The following GPR65 variants were observed in gnomAD, a reference collection of about 807,000 sequenced individuals.
The protein encoded by GPR65 is G protein-coupled receptor 65, also known as T-cell death-associated gene 8 protein.
In GPR65, 2 loss-of-function variants were observed where a neutral mutation model predicts 0.7. The observed-to-expected ratio is 2.83, with a 90% CI of 1.16 to 8.92. The LOEUF (loss-of-function observed/expected upper bound fraction) is 8.92, where lower values mean the gene tolerates loss of function less well. Ranked by LOEUF, GPR65 falls within the 30% of genes most tolerant of loss-of-function variation. GPR65 has a pLI of 0.04. For missense variants in GPR65, 379 were observed against 399.4 expected, an observed-to-expected ratio of 0.95 and a Z score of 0.43; for synonymous variants, 128 against 146.5, an observed-to-expected ratio of 0.87 and a Z score of 0.91.
In GPR65 at chr14:88,013,575, C is replaced by G. The variant is rs913517248; in HGVS notation, c.*1714C>G. On this transcript the variant is annotated 3_prime_UTR_variant, in exon 2 of 2. Transcript: ENST00000267549. ...CATGAGGTGCCCTCACATTAAAAAA[C>G]AAAATATTGAGCCGGGCGCGGTGGC... is the stretch of plus-strand genomic sequence containing the variant. The G allele has an allele frequency of 6.6e-6, 1 of 152,002 alleles. No individual in the cohort carries two copies. Among genetic ancestry groups the G allele is most frequent in the Admixed American group, 6.6e-5 (1 of 15,260 alleles). 9.4% of individuals were successfully genotyped at this position (152,002 alleles called of 1,614,324 possible). A position where few individuals can be genotyped will look rare whatever the true frequency, so the allele number is the denominator to read the frequency against.
chr14:88,011,807 A>T lies in GPR65; in HGVS notation c.960A>T (p.Lys320Asn), dbSNP rs745864186. 1.2e-6 allele frequency: 2 copies of T among 1,600,084 alleles called. No homozygotes were observed. The highest frequency in any genetic ancestry group is 2.2e-5 in the East Asian group (1 of 44,658). The change falls in exon 2 of 2, where the codon AAA becomes AAT. Residue 320 changes from lysine to asparagine, a missense_variant. By Grantham distance (94) the Lys-to-Asn change is moderately conservative (BLOSUM62 0). Coordinates refer to ENST00000267549, the MANE Select transcript of GPR65 (RefSeq NM_003608.4). ...GRCNTSQRQR[K>N]RILSVSTKDT... ...GTAATACATCACAAAGACAAAGAAAACGCATACTTTCTGTGTCTACAAAAG... is the reference window on the plus strand; with the variant it reads ...GTAATACATCACAAAGACAAAGAAATCGCATACTTTCTGTGTCTACAAAAG...
At chr14:88,007,049 T>C (rs1467720853) in intron 1 of GPR65, among the ~76,000 whole-genome samples, 1 of 152,162 alleles carries the variant, frequency 6.6e-6, no homozygotes, top group East Asian at 1.9e-4. Flanking sequence ...TGCTGTCTGT[T>C]ATCGCTGTTG....
chr14:88,009,518 T>A (rs935557884), intron 1 of GPR65, among the ~76,000 whole-genome samples: 6 of 152,108 alleles, frequency 3.9e-5, no homozygotes, highest in African/African-American at 1.4e-4. Flanking sequence ...AGGGAGTGAT[T>A]CTGGTGCCCT....
At position 88,014,012 on chromosome 14, in the gene GPR65, G is replaced by C. The variant is rs1887729196; in HGVS notation, c.*2151G>C. The C allele has an allele frequency of 6.6e-6, 1 of 152,130 alleles. No individual in the cohort carries two copies. The allele number at this position is 152,130 out of a possible 1,614,324, so 9.4% of individuals were successfully genotyped here. Reference sequence around the variant, plus strand: ...CACTCCAGAAGAGCGGAGGAACCCAGGATAATATTTTGTCAACCAAGAAAC... The same window carrying C: ...CACTCCAGAAGAGCGGAGGAACCCACGATAATATTTTGTCAACCAAGAAAC... On this transcript the variant is annotated 3_prime_UTR_variant, in exon 2 of 2. Coordinates refer to ENST00000267549, the MANE Select transcript of GPR65 (RefSeq NM_003608.4).
intron 1 of GPR65, among the ~76,000 whole-genome samples, chr14:88,008,898 C>T (rs1429502053): frequency 6.6e-6 from 1 of 152,078 alleles, no homozygotes; most frequent in Non-Finnish European, 1.5e-5. Context: ...CAGGATCAAA[C>T]TAATAATGTA....
In GPR65 at chr14:88,011,136, A is replaced by G; in HGVS notation, c.289A>G (p.Asn97Asp). Residue 97 changes from asparagine to aspartate, a missense_variant, in exon 2 of 2, where the codon AAT becomes GAT. Asn to Asp is a conservative substitution (Grantham distance 23). Transcript: ENST00000267549. ...AGGGAGTGCTTTTCTCATGTACATG[A>G]ATTTTTACAGCAGCACAGCATTCCT... ...CKGSAFLMYM[N>D]FYSSTAFLTC... 1 of 1,613,964 alleles carries G rather than the reference A, an allele frequency of 6.2e-7. No individual in the cohort carries two copies. Among genetic ancestry groups the G allele is most frequent in the South Asian group, 1.1e-5 (1 of 91,082 alleles).
At chr14:88,005,387 T>C (rs1338259940) in intron 1 of GPR65, among the ~76,000 whole-genome samples, 165 bp downstream of exon 1, 1 of 152,218 alleles carries the variant, frequency 6.6e-6, no homozygotes, top group Non-Finnish European at 1.5e-5. Flanking sequence ...TGGTTTCCTC[T>C]ACTTTGAGCA....
chr14:88,011,981 T>C lies in GPR65; in HGVS notation c.*120T>C. 2 of 703,792 alleles carry C rather than the reference T, an allele frequency of 2.8e-6. No homozygotes were observed. Among genetic ancestry groups the C allele is most frequent in the Non-Finnish European group, 4.8e-6 (2 of 416,136 alleles). 43.6% of individuals were successfully genotyped at this position (703,792 alleles called of 1,614,324 possible). ...ACTAAGTGTTCTCAGAGTGATGTTT[T>C]AATCCAGTCCAATAAAAATATCTTA... On this transcript the variant is annotated 3_prime_UTR_variant, in exon 2 of 2. Transcript: ENST00000267549.
intron 1 of GPR65, among the ~76,000 whole-genome samples, chr14:88,007,571 C>G (rs1462960711): frequency 6.6e-6 from 1 of 150,576 alleles, no homozygotes; most frequent in Non-Finnish European, 1.5e-5. Context: ...TTTAGAAAGT[C>G]TTTTTCAATC....
intron 1 of GPR65, among the ~76,000 whole-genome samples, chr14:88,007,596 G>A (rs1354184397): frequency 6.7e-6 from 1 of 149,146 alleles, no homozygotes; most frequent in African/African-American, 2.5e-5. Context: ...TAAAAATATG[G>A]CTTGTCATTT....
chr14:88,010,587 T>C lies in GPR65; in HGVS notation c.-261T>C, dbSNP rs1452504189. 7.6e-6 allele frequency: 3 copies of C among 395,560 alleles called. No individual in the cohort carries two copies. In the East Asian group the frequency reaches 1.4e-4, roughly 19 times the overall value. The allele number at this position is 395,560 out of a possible 1,614,324, so 24.5% of individuals were successfully genotyped here. A position where few individuals can be genotyped will look rare whatever the true frequency, so the allele number is the denominator to read the frequency against. ...TGATAATGAACACATGGACTTCTGT[T>C]TATTAAATTCAGTTGACCCCTTTAG... On this transcript the variant is annotated 5_prime_UTR_variant, in exon 2 of 2. Transcript: ENST00000267549.
chr14:88,014,290 T>C lies in GPR65; in HGVS notation c.*2429T>C, dbSNP rs1887732596. The C allele has an allele frequency of 1.3e-5, 2 of 152,238 alleles. No homozygotes were observed. The highest frequency in any genetic ancestry group is 2.4e-5 in the African/African-American group (1 of 41,470). The allele number at this position is 152,238 out of a possible 1,614,324, so 9.4% of individuals were successfully genotyped here. On this transcript the variant is annotated 3_prime_UTR_variant, in exon 2 of 2. Coordinates refer to ENST00000267549, the MANE Select transcript of GPR65 (RefSeq NM_003608.4). ...TTAAAAATATGTCTTTGTATACTTA[T>C]CTTACCCATGTAAGAAAAGAGTGGC...
At chr14:88,006,704 G>T (rs1377169618) in intron 1 of GPR65, among the ~76,000 whole-genome samples, 1 of 152,020 alleles carries the variant, frequency 6.6e-6, no homozygotes, top group East Asian at 1.9e-4. Flanking sequence ...CGACTTTCTC[G>T]GTCCTGGTCT....
chr14:88,010,140 G>A (rs1167449175), intron 1 of GPR65, among the ~76,000 whole-genome samples: 2 of 152,186 alleles, frequency 1.3e-5, no homozygotes, highest in Non-Finnish European at 2.9e-5. Flanking sequence ...TATCCATTGA[G>A]AAATATAATT....
Position 88,010,833 on chromosome 14 carries a change from C to T in GPR65, c.-15C>T. 1 of 1,585,306 alleles carries T rather than the reference C, an allele frequency of 6.3e-7. No homozygotes were observed. The highest frequency in any genetic ancestry group is 8.6e-7 in the Non-Finnish European group (1 of 1,156,362). On this transcript the variant is annotated 5_prime_UTR_variant, in exon 2 of 2. Transcript: ENST00000267549. ...TTCTAAGAACTAATATAATTGCTACCTTAAAAAGGAAAAAATGAACAGCAC... is the reference window on the plus strand; with the variant it reads ...TTCTAAGAACTAATATAATTGCTACTTTAAAAAGGAAAAAATGAACAGCAC...
At position 88,012,516 on chromosome 14, in the gene GPR65, A is replaced by G. The variant is rs1379545323; in HGVS notation, c.*655A>G. 6.6e-6 allele frequency: 1 copy of G among 152,214 alleles called. No individual in the cohort carries two copies. The highest frequency in any genetic ancestry group is 1.5e-5 in the Non-Finnish European group (1 of 68,042). 9.4% of individuals were successfully genotyped at this position (152,214 alleles called of 1,614,324 possible). On this transcript the variant is annotated 3_prime_UTR_variant, in exon 2 of 2. Transcript: ENST00000267549. ...GCAGTCGCTCCCTGCTCTCCCGTCC[A>G]TGCCAGTTATTAATTTACTTTCTGT...
At chr14:88,008,415 G>A (rs1595254038) in intron 1 of GPR65, among the ~76,000 whole-genome samples, 1 of 152,026 alleles carries the variant, frequency 6.6e-6, no homozygotes, top group South Asian at 2.1e-4. Context: ...ATACTCTTTT[G>A]TGTCTTTTTT....
chr14:88,013,047 C>CTTTTTTTTT lies in GPR65; in HGVS notation c.*1195_*1203dup. The CTTTTTTTTT allele has an allele frequency of 7.5e-6, 1 of 133,320 alleles. No homozygotes were observed. Among genetic ancestry groups the CTTTTTTTTT allele is most frequent in the Non-Finnish European group, 1.6e-5 (1 of 63,112 alleles). The allele number at this position is 133,320 out of a possible 1,614,324, so 8.3% of individuals were successfully genotyped here. On this transcript the variant is annotated 3_prime_UTR_variant, in exon 2 of 2. Coordinates refer to ENST00000267549, the MANE Select transcript of GPR65 (RefSeq NM_003608.4). The stretch of plus-strand genomic sequence containing the variant: ...AGAATGTTAGAATATTTTGAGAGTT[C>CTTTTTTTTT]TTTTTTTTTTTTTTTTTGAGTCAGA...
chr14:88,010,794 C>A lies in GPR65; in HGVS notation c.-54C>A. On this transcript the variant is annotated 5_prime_UTR_variant, in exon 2 of 2. Coordinates refer to ENST00000267549, the MANE Select transcript of GPR65 (RefSeq NM_003608.4). ...CAAAACAAACTACAAAGAGACAAGACTTCTCTGTTTACTTTCTAAGAACTA... is the reference window on the plus strand; with the variant it reads ...CAAAACAAACTACAAAGAGACAAGAATTCTCTGTTTACTTTCTAAGAACTA... 2 of 1,206,694 alleles carry A rather than the reference C, an allele frequency of 1.7e-6. No homozygotes were observed. Among genetic ancestry groups the A allele is most frequent in the Non-Finnish European group, 2.4e-6 (2 of 832,448 alleles). The allele number at this position is 1,206,694 out of a possible 1,614,324, so 74.7% of individuals were successfully genotyped here.
Sources: allele counts gnomAD v4.1 joint callset (sites outside exome capture counted in the v4.1 genomes callset), GRCh38; gene constraint gnomAD v4.1.1; transcripts MANE v1.5; gene names NCBI Gene and HGNC (gene_info 2026-07-23, HGNC 2026-07-21).